The following MAGI2 variants were observed in gnomAD, a reference collection of about 807,000 sequenced individuals.
MAGI2 encodes membrane associated guanylate kinase, WW and PDZ domain containing 2, also known as membrane-associated guanylate kinase, WW and PDZ domain-containing protein 2.
MAGI2 carries 35 observed loss-of-function variants against 133.3 expected under a neutral mutation model. The observed-to-expected ratio is 0.26, with a 90% CI of 0.20 to 0.35. The LOEUF (loss-of-function observed/expected upper bound fraction) is 0.35, where lower values mean the gene tolerates loss of function less well. MAGI2 is among the 10% of genes least tolerant of loss of function. The pLI, the probability that MAGI2 is intolerant of heterozygous loss-of-function variation, is 1.00. For missense variants in MAGI2, 1,636 were observed against 1,863.4 expected, an observed-to-expected ratio of 0.88 and a Z score of 2.25; for synonymous variants, 729 against 710.6, an observed-to-expected ratio of 1.03 and a Z score of -0.41.
chr7:78,453,026 T>C (rs1788895399), intron 6 of MAGI2, among the ~76,000 whole-genome samples: 1 of 152,150 alleles, frequency 6.6e-6, no homozygotes, highest in South Asian at 2.1e-4. Flanking sequence ...TATATCATCA[T>C]GTTCACTGTA....
intron 7 of MAGI2, among the ~76,000 whole-genome samples, chr7:78,354,809 G>C (rs1380831168): frequency 6.6e-6 from 1 of 152,156 alleles, no homozygotes; most frequent in Non-Finnish European, 1.5e-5. Flanking sequence ...GGGAGAAAAG[G>C]ATATATTGCT....
chr7:78,987,833 T>TAC (rs141353429), intron 2 of MAGI2, among the ~76,000 whole-genome samples: 32 of 151,128 alleles, frequency 2.1e-4, no homozygotes, highest in South Asian at 1.7e-3. Flanking sequence ...TACGTTTTTA[T>TAC]ACACACACAC....
At position 78,256,054 on chromosome 7, in the gene MAGI2, T is replaced by C. The variant is rs777260879; in HGVS notation, c.1936A>G (p.Ile646Val). Reference sequence around the variant, plus strand: ...ACATTCTGCTGGTTGATCTCAACAATGAGGTCGCCTTCACACAGGCCAGGG... The same window carrying C: ...ACATTCTGCTGGTTGATCTCAACAACGAGGTCGCCTTCACACAGGCCAGGG... ...GCPGLCEGDL[I>V]VEINQQNVQN... Residue 646 changes from isoleucine to valine, a missense_variant, in exon 10 of 22, where the codon ATT (isoleucine) becomes GTT (valine). This residue lies in a region of MAGI2 where 920 missense variants were observed against 1,093.5 expected (regional missense o/e 0.84). Transcript: ENST00000354212. 4.3e-6 allele frequency: 7 copies of C among 1,613,602 alleles called. No homozygotes were observed. The highest frequency in any genetic ancestry group is 4.0e-5 in the African/African-American group (3 of 74,926).
intron 2 of MAGI2, among the ~76,000 whole-genome samples, chr7:78,797,182 T>A (rs1016076759): frequency 6.6e-6 from 1 of 152,126 alleles, no homozygotes. Flanking sequence ...ATGATGGATA[T>A]GCCAATTACC....
intron 9 of MAGI2, among the ~76,000 whole-genome samples, chr7:78,295,140 T>C (rs912806860): frequency 1.1e-4 from 17 of 152,190 alleles, no homozygotes; most frequent in African/African-American, 4.1e-4. Context: ...AATATTTACA[T>C]AGGTATAACT....
At chr7:78,921,951 A>T (rs1799262617) in intron 2 of MAGI2, among the ~76,000 whole-genome samples, 1 of 151,958 alleles carries the variant, frequency 6.6e-6, no homozygotes, top group Non-Finnish European at 1.5e-5. Context: ...TAATATTCTA[A>T]TACCATTGCC....
intron 1 of MAGI2, among the ~76,000 whole-genome samples, chr7:79,103,691 A>T (rs1019410919): frequency 2.0e-5 from 3 of 151,486 alleles, no homozygotes; most frequent in Admixed American, 6.6e-5. Flanking sequence ...TTATTTATTT[A>T]TTTATTTTTT....
intron 20 of MAGI2, among the ~76,000 whole-genome samples, chr7:78,090,140 C>T (rs534707402): frequency 1.3e-5 from 2 of 152,164 alleles, no homozygotes; most frequent in African/African-American, 4.8e-5. Context: ...CTGCTCAAAT[C>T]CTCCAAGAAG....
intron 15 of MAGI2, among the ~76,000 whole-genome samples, chr7:78,162,259 C>A (rs561664476): frequency 6.6e-6 from 1 of 151,922 alleles, no homozygotes; most frequent in Non-Finnish European, 1.5e-5. Context: ...AGCGCGGTGG[C>A]TCACGCCTGT....
At chr7:78,268,989 T>C in intron 9 of MAGI2, among the ~76,000 whole-genome samples, 1 of 152,164 alleles carries the variant, frequency 6.6e-6, no homozygotes, top group African/African-American at 2.4e-5. Context: ...CCTATGTCCA[T>C]GTGCTCTCAT....
At chr7:78,482,010 C>A (rs189963946) in intron 6 of MAGI2, among the ~76,000 whole-genome samples, 1 of 151,944 alleles carries the variant, frequency 6.6e-6, no homozygotes, top group East Asian at 2.0e-4. Context: ...AGCAACATAT[C>A]TGTAAGGATA....
chr7:79,422,382 T>C (rs2129180570), intron 1 of MAGI2, among the ~76,000 whole-genome samples: 1 of 152,132 alleles, frequency 6.6e-6, no homozygotes, highest in Non-Finnish European at 1.5e-5. Context: ...ATCATATATA[T>C]GTCACATATA....
intron 1 of MAGI2, among the ~76,000 whole-genome samples, chr7:79,126,118 C>T (rs1175737959): frequency 1.3e-5 from 2 of 152,058 alleles, no homozygotes; most frequent in Non-Finnish European, 2.9e-5. Context: ...CAGTTGATTG[C>T]TAAACATAAT....
chr7:78,215,546 A>G (rs1402366280), intron 10 of MAGI2, among the ~76,000 whole-genome samples: 1 of 152,172 alleles, frequency 6.6e-6, no homozygotes, highest in Non-Finnish European at 1.5e-5. Context: ...ACTTAGAGTG[A>G]TGATTTTTTG....
chr7:78,935,478 C>T (rs1800441737), intron 2 of MAGI2, among the ~76,000 whole-genome samples: 1 of 152,062 alleles, frequency 6.6e-6, no homozygotes, highest in African/African-American at 2.4e-5. Context: ...AGTAAAAAGA[C>T]AAATGGAAAT....
At chr7:78,065,422 C>T (rs531037315) in intron 21 of MAGI2, among the ~76,000 whole-genome samples, 109 of 152,224 alleles carry the variant, frequency 7.2e-4, no homozygotes, top group African/African-American at 2.5e-3. Context: ...TTATCCTTAT[C>T]ACTTATAAGG....
At chr7:78,028,474 A>T (rs1809186472) in intron 21 of MAGI2, among the ~76,000 whole-genome samples, 1 of 152,230 alleles carries the variant, frequency 6.6e-6, no homozygotes, top group Admixed American at 6.5e-5. Context: ...GCAGCTATCT[A>T]CTGAGAGCCT....
At chr7:78,912,811 T>TCA (rs201148058) in intron 2 of MAGI2, among the ~76,000 whole-genome samples, 2,410 of 140,960 alleles carry the variant, frequency 0.017, 79 homozygotes, top group African/African-American at 0.062. Context: ...TATATATATA[T>TCA]ATCATTCATA....
At chr7:78,834,566 T>C (rs1171683206) in intron 2 of MAGI2, among the ~76,000 whole-genome samples, 1 of 152,234 alleles carries the variant, frequency 6.6e-6, no homozygotes, top group African/African-American at 2.4e-5. Context: ...AAATATACCA[T>C]ATTGTATTTA....
Sources: allele counts gnomAD v4.1 joint callset (sites outside exome capture counted in the v4.1 genomes callset), GRCh38; gene constraint gnomAD v4.1.1; regional missense constraint gnomAD v4.1.1; transcripts MANE v1.5; gene names NCBI Gene and HGNC (gene_info 2026-07-23, HGNC 2026-07-21).